NDUFA5: variants seen among roughly 807,000 people sequenced by gnomAD.
The protein encoded by NDUFA5 is NADH:ubiquinone oxidoreductase subunit A5, also known as NADH dehydrogenase [ubiquinone] 1 alpha subcomplex subunit 5.
A neutral mutation model predicts 19.8 loss-of-function variants in NDUFA5; 11 were observed. The ratio of observed to expected loss-of-function variants is 0.56; its 90% confidence interval spans 0.35 to 0.92. NDUFA5 has a LOEUF of 0.92. NDUFA5 is among the 40% of genes least tolerant of loss of function. NDUFA5 has a pLI of 0.01. For missense variants in NDUFA5, 109 were observed against 134.2 expected (o/e 0.81, Z 0.93); for synonymous variants, 47 against 46.8 (o/e 1.00, Z -0.01).
chr7:123,558,772 T>A (rs1163820554), upstream of NDUFA5, among the ~76,000 whole-genome samples: 6 of 152,268 alleles, frequency 3.9e-5, no homozygotes, highest in African/African-American at 1.2e-4. Context: ...TATACAAAAT[T>A]TGAATTTTAC....
the NDUFA5 span, among the ~76,000 whole-genome samples, chr7:123,563,708 C>T: frequency 6.6e-6 from 1 of 152,154 alleles, no homozygotes. Flanking sequence ...TATAGCAAAG[C>T]ACAATAACAT....
At chr7:123,586,889 C>T in the NDUFA5 span, among the ~76,000 whole-genome samples, 1 of 151,548 alleles carries the variant, frequency 6.6e-6, no homozygotes, top group Non-Finnish European at 1.5e-5. Context: ...AGGCTCTGTG[C>T]TCTCTTTTGA....
the NDUFA5 span, among the ~76,000 whole-genome samples, chr7:123,591,509 A>G: frequency 6.6e-6 from 1 of 152,100 alleles, no homozygotes; most frequent in Admixed American, 6.6e-5. Flanking sequence ...TTAACATGAA[A>G]GGCTGTTGAA....
intron 2 of NDUFA5, among the ~76,000 whole-genome samples, chr7:123,553,559 A>C (rs1798434353): frequency 6.6e-6 from 1 of 152,210 alleles, no homozygotes; most frequent in African/African-American, 2.4e-5. Context: ...AGAAGAGGAA[A>C]AATAATAAAA....
In NDUFA5 at chr7:123,540,883, T is replaced by TGCGCGC. The variant is rs201784621; in HGVS notation, c.*1235_*1236insGCGCGC. On this transcript the variant is annotated 3_prime_UTR_variant, in exon 5 of 5. Transcript: ENST00000355749. ...TTCTCATTCTGAGCAAATGTGCGCA[T>TGCGCGC]GCGCGTGCACACACACACACACACA... 1 of 88,914 alleles carries TGCGCGC rather than the reference T, an allele frequency of 1.1e-5. No individual in the cohort carries two copies. Among genetic ancestry groups the TGCGCGC allele is most frequent in the African/African-American group, 5.0e-5 (1 of 20,078 alleles). The allele number at this position is 88,914 out of a possible 1,614,324, so 5.5% of individuals were successfully genotyped here.
At chr7:123,562,143 C>T (rs1331996085), upstream of NDUFA5, among the ~76,000 whole-genome samples, 1 of 152,038 alleles carries the variant, frequency 6.6e-6, no homozygotes, top group Non-Finnish European at 1.5e-5. Context: ...ATCCTCAGGG[C>T]TCTTGAGTGA....
the NDUFA5 span, among the ~76,000 whole-genome samples, chr7:123,584,227 A>G: frequency 6.7e-6 from 1 of 149,792 alleles, no homozygotes; most frequent in Non-Finnish European, 1.5e-5. Context: ...CAGGAGGATC[A>G]CTGAAGCCCA....
rs374143040 is a variant in NDUFA5, at chr7:123,550,582, A to C, written c.71T>G (p.Leu24Arg). The change falls in exon 3 of 5, where the codon CTA becomes CGA. Residue 24 changes from leucine (L) to arginine (R), a missense_variant. By Grantham distance (102) the Leu-to-Arg change is moderately radical (BLOSUM62 -2). Transcript: ENST00000355749. ...AAGAATCTTTGTGTACAATATTCTT[A>C]GCCTCTGAAAAGACAAACCATACAA... Reference protein sequence around the residue: ...LAVCNTPHERLRILYTKILDV... With the variant: ...LAVCNTPHERRRILYTKILDV... 2 of 1,578,266 alleles carry C rather than the reference A, an allele frequency of 1.3e-6. No homozygotes were observed. The highest frequency in any genetic ancestry group is 1.7e-6 in the Non-Finnish European group (2 of 1,152,314).
At chr7:123,585,369 A>G in the NDUFA5 span, among the ~76,000 whole-genome samples, 13 of 151,902 alleles carry the variant, frequency 8.6e-5, no homozygotes, top group African/African-American at 2.9e-4. Flanking sequence ...CTTAATTTAG[A>G]GCACACTAGG....
chr7:123,581,596 G>T, the NDUFA5 span, among the ~76,000 whole-genome samples: 1 of 151,556 alleles, frequency 6.6e-6, no homozygotes, highest in African/African-American at 2.4e-5. Context: ...AAAGTCTTTC[G>T]GTTAAACTGA....
the NDUFA5 span, among the ~76,000 whole-genome samples, chr7:123,564,061 G>A: frequency 3.9e-5 from 6 of 152,154 alleles, no homozygotes; most frequent in African/African-American, 1.4e-4. Context: ...CAACACAGAC[G>A]GGAAGAAGAT....
rs1292815747 is a variant in NDUFA5 at position 123,539,777 on chromosome 7, T to A, written c.*2342A>T. The A allele has an allele frequency of 6.6e-6, 1 of 152,210 alleles. No individual in the cohort carries two copies. Among genetic ancestry groups the A allele is most frequent in the African/African-American group, 2.4e-5 (1 of 41,456 alleles). The allele number at this position is 152,210 out of a possible 1,614,324, so 9.4% of individuals were successfully genotyped here. On this transcript the variant is annotated 3_prime_UTR_variant, in exon 5 of 5. Transcript: ENST00000355749. ...CTATCCCATTAACATAATCTGCCTA[T>A]AACCTATATGCAGCTCTTTGCAGAA...
the NDUFA5 span, among the ~76,000 whole-genome samples, chr7:123,576,113 ACTTT>A: frequency 2.0e-5 from 3 of 150,774 alleles, no homozygotes; most frequent in African/African-American, 4.9e-5. Flanking sequence ...TATCCTTAAG[ACTTT>A]CTTTATTTCA....
chr7:123,545,040 G>C (rs987663340), intron 4 of NDUFA5, among the ~76,000 whole-genome samples: 1 of 151,864 alleles, frequency 6.6e-6, no homozygotes, highest in African/African-American at 2.4e-5. Context: ...TATTCTAAAT[G>C]TAATTAATAA....
chr7:123,588,381 C>A, the NDUFA5 span, among the ~76,000 whole-genome samples: 1 of 151,432 alleles, frequency 6.6e-6, no homozygotes, highest in East Asian at 1.9e-4. Context: ...TGATTTTATT[C>A]ATTTCATTTG....
chr7:123,568,076 A>T, the NDUFA5 span, among the ~76,000 whole-genome samples: 1 of 152,166 alleles, frequency 6.6e-6, no homozygotes, highest in East Asian at 1.9e-4. Flanking sequence ...TTCAAATAAA[A>T]GCGCCATTAC....
the NDUFA5 span, chr7:123,596,383 A>C: frequency 6.6e-6 from 1 of 152,060 alleles, no homozygotes; most frequent in African/African-American, 2.4e-5. Flanking sequence ...GGGTGGGTAG[A>C]TTGCTCGAAC....
At chr7:123,574,959 A>T in the NDUFA5 span, among the ~76,000 whole-genome samples, 1 of 151,998 alleles carries the variant, frequency 6.6e-6, no homozygotes, top group Non-Finnish European at 1.5e-5. Flanking sequence ...GGAGAAAAAT[A>T]TGGAGACAGA....
the NDUFA5 span, among the ~76,000 whole-genome samples, chr7:123,592,748 G>T: frequency 2.0e-5 from 3 of 152,160 alleles, no homozygotes; most frequent in Non-Finnish European, 4.4e-5. Flanking sequence ...GTGCTGAGAA[G>T]AATGTATATT....
Sources: allele counts gnomAD v4.1 joint callset (sites outside exome capture counted in the v4.1 genomes callset), GRCh38; gene constraint gnomAD v4.1.1; transcripts MANE v1.5; gene names NCBI Gene and HGNC (gene_info 2026-07-23, HGNC 2026-07-21).